The following PDE4D variants were observed in gnomAD, a reference collection of about 807,000 sequenced individuals.
PDE4D encodes phosphodiesterase 4D.
A neutral mutation model predicts 87.4 loss-of-function variants in PDE4D; 24 were observed. That is an observed-to-expected ratio of 0.27 (90% CI 0.20 to 0.39). The LOEUF (loss-of-function observed/expected upper bound fraction) is 0.39. Among genes scored for constraint, PDE4D ranks in the 10% least tolerant of loss-of-function variants. The pLI is 1.00. For missense variants in PDE4D, 714 were observed against 1,041.0 expected, an observed-to-expected ratio of 0.69 and a Z score of 4.32; for synonymous variants, 384 against 383.2, an observed-to-expected ratio of 1.00 and a Z score of -0.02.
chr5:60,349,192 C>A (rs1052795143), intron 1 of PDE4D, among the ~76,000 whole-genome samples: 10 of 152,162 alleles, frequency 6.6e-5, no homozygotes, highest in African/African-American at 2.2e-4. Context: ...TGCACTGCCC[C>A]AGCCACTGAA....
At chr5:59,176,865 G>A (rs1783974307) in intron 5 of PDE4D, among the ~76,000 whole-genome samples, 1 of 152,166 alleles carries the variant, frequency 6.6e-6, no homozygotes, top group Admixed American at 6.6e-5. Flanking sequence ...TCTGTGAATT[G>A]TGATGAGAAT....
intron 2 of PDE4D, among the ~76,000 whole-genome samples, chr5:60,111,301 T>A (rs908782623): frequency 6.6e-6 from 1 of 151,890 alleles, no homozygotes; most frequent in East Asian, 1.9e-4. Flanking sequence ...ATGAATCAGC[T>A]AAAAAAGAAA....
chr5:59,243,447 CCTTT>C (rs1474690587), intron 1 of PDE4D, among the ~76,000 whole-genome samples: 1 of 113,470 alleles, frequency 8.8e-6, no homozygotes, highest in African/African-American at 3.5e-5. Context: ...CTTAAAATAA[CCTTT>C]TTTTTTTTTT....
intron 1 of PDE4D, among the ~76,000 whole-genome samples, chr5:60,340,552 G>A (rs1758218868): frequency 6.8e-6 from 1 of 147,664 alleles, no homozygotes; most frequent in South Asian, 2.2e-4. Flanking sequence ...TTGTTGAAGA[G>A]GAATAGAAGA....
chr5:60,075,439 A>AT (rs1218721692), intron 2 of PDE4D, among the ~76,000 whole-genome samples: 1 of 151,884 alleles, frequency 6.6e-6, no homozygotes, highest in East Asian at 1.9e-4. Flanking sequence ...TACCTTTAAC[A>AT]TTTTTTCTAT....
intron 6 of PDE4D, among the ~76,000 whole-genome samples, chr5:59,017,140 G>A (rs1032164677): frequency 3.3e-5 from 5 of 152,200 alleles, no homozygotes; most frequent in African/African-American, 9.7e-5. Flanking sequence ...GCCGAGGCAA[G>A]TCAAGGCAAC....
At chr5:59,283,781 C>A in intron 1 of PDE4D, among the ~76,000 whole-genome samples, 1 of 152,142 alleles carries the variant, frequency 6.6e-6, no homozygotes, top group Non-Finnish European at 1.5e-5. Context: ...TGGATTGATT[C>A]AATCTGGGAA....
chr5:59,757,173 T>C (rs1483835080), intron 1 of PDE4D, among the ~76,000 whole-genome samples: 1 of 151,978 alleles, frequency 6.6e-6, no homozygotes, highest in Non-Finnish European at 1.5e-5. Flanking sequence ...CAGCATAACA[T>C]AGAAAATGAC....
chr5:60,050,308 C>T (rs1038007744), intron 2 of PDE4D, among the ~76,000 whole-genome samples: 2 of 152,138 alleles, frequency 1.3e-5, no homozygotes, highest in Middle Eastern at 3.2e-3. Flanking sequence ...GATGGAAATG[C>T]AGAAATCACC....
intron 3 of PDE4D, among the ~76,000 whole-genome samples, chr5:59,187,774 G>GT (rs990814496): frequency 2.6e-4 from 40 of 150,966 alleles, no homozygotes; most frequent in South Asian, 8.4e-4. Context: ...GTGTGTGTGG[G>GT]TTTTTTTTTC....
At chr5:60,439,848 C>G (rs749956583) in intron 1 of PDE4D, among the ~76,000 whole-genome samples, 1 of 150,560 alleles carries the variant, frequency 6.6e-6, no homozygotes, top group Non-Finnish European at 1.5e-5. Context: ...ATCCTGGGTG[C>G]AATTTTAAAA....
chr5:60,181,571 A>G (rs7734952), intron 2 of PDE4D, among the ~76,000 whole-genome samples: 2 of 152,260 alleles, frequency 1.3e-5, no homozygotes, highest in Admixed American at 6.5e-5. Context: ...TTTATCCAAA[A>G]GTAGAACATC....
intron 2 of PDE4D, among the ~76,000 whole-genome samples, chr5:60,184,583 A>G (rs1784628264): frequency 6.6e-6 from 1 of 152,160 alleles, no homozygotes; most frequent in Non-Finnish European, 1.5e-5. Flanking sequence ...AAGGATTGGC[A>G]TATCTCTCAG....
chr5:60,474,023 C>T (rs755782075), intron 1 of PDE4D, among the ~76,000 whole-genome samples: 3 of 146,708 alleles, frequency 2.0e-5, no homozygotes, highest in Non-Finnish European at 4.5e-5. Flanking sequence ...CACTCAGATC[C>T]ACCCAGTTGG....
chr5:59,968,171 AC>A (rs1219788368), intron 3 of PDE4D, among the ~76,000 whole-genome samples: 2 of 151,624 alleles, frequency 1.3e-5, no homozygotes, highest in Non-Finnish European at 2.9e-5. Flanking sequence ...TTTAGTAGAG[AC>A]GGGGTTTCTC....
In PDE4D at chr5:58,993,364, A is replaced by G; in HGVS notation, c.1015+8T>C. 6.7e-7 allele frequency: 1 copy of G among 1,493,068 alleles called. No homozygotes were observed. Among genetic ancestry groups the G allele is most frequent in the Non-Finnish European group, 9.1e-7 (1 of 1,104,234 alleles). 92.5% of individuals were successfully genotyped at this position (1,493,068 alleles called of 1,614,324 possible). Reference sequence around the variant, plus strand: ...GAAAAAAATTTAATTGCATGTTGTTATTCTCACCTAAGAATGTGTTTGATA... The same window carrying G: ...GAAAAAAATTTAATTGCATGTTGTTGTTCTCACCTAAGAATGTGTTTGATA... On this transcript the variant is annotated splice_region_variant and intron_variant, in intron 7 of 14. Coordinates refer to ENST00000340635, the MANE Select transcript of PDE4D (RefSeq NM_001104631.2).
intron 2 of PDE4D, among the ~76,000 whole-genome samples, chr5:60,074,264 G>A (rs1370987195): frequency 3.9e-5 from 6 of 151,994 alleles, no homozygotes; most frequent in Admixed American, 3.3e-4. Flanking sequence ...CTTGATTTCT[G>A]CTTTAATTTC....
At chr5:59,879,907 A>C (rs1305600278) in intron 1 of PDE4D, among the ~76,000 whole-genome samples, 2 of 151,966 alleles carry the variant, frequency 1.3e-5, no homozygotes, top group Non-Finnish European at 2.9e-5. Context: ...CGTCCAGCTA[A>C]TTTTTGTATT....
intron 5 of PDE4D, among the ~76,000 whole-genome samples, chr5:59,058,832 T>C (rs958374167): frequency 6.6e-6 from 1 of 152,176 alleles, no homozygotes. Context: ...GGGTCTCTTT[T>C]GCACATCAGA....
Sources: gnomAD v4.1 joint callset for allele counts (sites outside exome capture counted in the v4.1 genomes callset) on GRCh38, gnomAD v4.1.1 for gene constraint, MANE v1.5 for transcripts, NCBI Gene and HGNC (gene_info 2026-07-23, HGNC 2026-07-21) for gene names.